Variants in SPATA13 observed in about 807,000 individuals in gnomAD.
The protein encoded by SPATA13 is spermatogenesis associated 13.
In SPATA13, 50 loss-of-function variants were observed where a neutral mutation model predicts 104.0. The ratio of observed to expected loss-of-function variants is 0.48; its 90% CI spans 0.38 to 0.61. SPATA13 has a LOEUF of 0.61. Among genes scored for constraint, SPATA13 ranks in the 20% least tolerant of loss-of-function variants. SPATA13 has a pLI of 0.00. For missense variants in SPATA13, 1,524 were observed against 1,690.6 expected (o/e 0.90, Z 1.73); for synonymous variants, 606 against 667.5 (o/e 0.91, Z 1.42).
At chr13:24,264,340 G>A (rs566688970) in intron 4 of SPATA13, among the ~76,000 whole-genome samples, 51 of 152,134 alleles carry the variant, frequency 3.4e-4, no homozygotes, top group Non-Finnish European at 5.3e-4. Context: ...AATGTCTAGC[G>A]AACCACCACC....
In SPATA13 at chr13:24,222,867, G is replaced by A; in HGVS notation, c.-63G>A. On this transcript the variant is annotated 5_prime_UTR_variant, in exon 2 of 13. Transcript: ENST00000382108. The stretch of plus-strand genomic sequence containing the variant: ...TGTGCAAGGCAGGTGTGAGTGCCAG[G>A]ACGGCATTCCTGGAGATGAAGGCCT... The A allele has an allele frequency of 6.5e-7, 1 of 1,543,408 alleles. No homozygotes were observed. The highest frequency in any genetic ancestry group is 2.5e-5 in the East Asian group (1 of 40,710).
intron 2 of SPATA13, among the ~76,000 whole-genome samples, chr13:24,225,571 C>A (rs1166998728): frequency 6.6e-6 from 1 of 152,216 alleles, no homozygotes; most frequent in East Asian, 1.9e-4. Context: ...TGTTTCACCC[C>A]ATTTGTGTTA....
chr13:24,301,579 C>G (rs962858684), intron 12 of SPATA13, among the ~76,000 whole-genome samples: 2 of 152,208 alleles, frequency 1.3e-5, no homozygotes, highest in African/African-American at 4.8e-5. Flanking sequence ...GGACTGCTGA[C>G]GTTCACAGGT....
intron 3 of SPATA13, among the ~76,000 whole-genome samples, chr13:24,100,129 T>G (rs144399271): frequency 9.0e-6 from 1 of 111,156 alleles, no homozygotes; most frequent in Admixed American, 9.3e-5. Context: ...TATTTTATAA[T>G]TTTTAAATAG....
chr13:24,153,044 C>T (rs1010243330), intron 3 of SPATA13, among the ~76,000 whole-genome samples: 3 of 152,246 alleles, frequency 2.0e-5, no homozygotes, highest in Non-Finnish European at 4.4e-5. Flanking sequence ...AGAAAAATGT[C>T]TATGTTACGT....
At chr13:24,186,162 G>A (rs1456609415) in intron 1 of SPATA13, among the ~76,000 whole-genome samples, 1 of 152,166 alleles carries the variant, frequency 6.6e-6, no homozygotes, top group Non-Finnish European at 1.5e-5. Flanking sequence ...CACATAAGAT[G>A]AACCATCACA....
chr13:24,030,802 C>T (rs755025647), intron 3 of SPATA13, among the ~76,000 whole-genome samples: 1 of 152,166 alleles, frequency 6.6e-6, no homozygotes, highest in Non-Finnish European at 1.5e-5. Flanking sequence ...TTTAGAATCT[C>T]CAGTCTACCA....
At chr13:24,119,210 A>G (rs1409034780) in intron 3 of SPATA13, among the ~76,000 whole-genome samples, 1 of 152,060 alleles carries the variant, frequency 6.6e-6, no homozygotes, top group African/African-American at 2.4e-5. Flanking sequence ...CCCGGCTGAC[A>G]CTAACTTATG....
At chr13:24,234,459 T>G (rs1415806269) in intron 2 of SPATA13, among the ~76,000 whole-genome samples, 1 of 152,178 alleles carries the variant, frequency 6.6e-6, no homozygotes, top group Non-Finnish European at 1.5e-5. Context: ...TCTATAACAA[T>G]TAAGATCAAA....
intron 2 of SPATA13, among the ~76,000 whole-genome samples, chr13:24,230,704 G>T (rs1339134303): frequency 6.6e-6 from 1 of 152,182 alleles, no homozygotes; most frequent in Admixed American, 6.5e-5. Context: ...TTCTAGCAAA[G>T]TGATGCATCT....
intron 1 of SPATA13, among the ~76,000 whole-genome samples, chr13:24,182,256 C>T (rs987023176): frequency 2.0e-5 from 3 of 152,152 alleles, no homozygotes; most frequent in African/African-American, 7.2e-5. Context: ...AGTGTTGTAA[C>T]ACTAAACTTT....
At chr13:24,166,799 G>A (rs981005764) in intron 1 of SPATA13, among the ~76,000 whole-genome samples, 1 of 152,220 alleles carries the variant, frequency 6.6e-6, no homozygotes, top group Non-Finnish European at 1.5e-5. Context: ...CATAGTATTT[G>A]CAGAGAATGG....
chr13:24,245,009 A>G lies in SPATA13; in HGVS notation c.1654-4468A>G, dbSNP rs562251756. 1.1e-4 allele frequency among the ~76,000 whole-genome samples: 17 copies of G among 152,306 alleles called. 1 individual carries two copies. The South Asian group carries it at 3.3e-3, about 30-fold the overall frequency. On this transcript the variant is annotated intron_variant, in intron 2 of 12. Coordinates refer to ENST00000382108, the MANE Select transcript of SPATA13 (RefSeq NM_001166271.3). ...GGCTGGATTGTTTGGACTAGGGCAG[A>G]GCTCTGGCATGGCCGTGGGAGAGGG...
At chr13:24,204,415 T>C (rs1870588159) in intron 1 of SPATA13, among the ~76,000 whole-genome samples, 1 of 152,210 alleles carries the variant, frequency 6.6e-6, no homozygotes, top group African/African-American at 2.4e-5. Flanking sequence ...CAGAGCTTTT[T>C]TTTTAAATTT....
In SPATA13 at chr13:24,224,059, G is replaced by A. The variant is rs1871779892; in HGVS notation, c.1130G>A (p.Gly377Glu). 1.3e-6 allele frequency: 2 copies of A among 1,549,022 alleles called. No individual in the cohort carries two copies. Among genetic ancestry groups the A allele is most frequent in the Non-Finnish European group, 1.7e-6 (2 of 1,145,542 alleles). ...RSTEQDSRRG[G>E]AVMHGTTATC... Reference sequence around the variant, plus strand: ...ACTGAGCAGGACAGCAGGCGGGGCGGGGCGGTCATGCATGGGACCACTGCA... The same window carrying A: ...ACTGAGCAGGACAGCAGGCGGGGCGAGGCGGTCATGCATGGGACCACTGCA... The change falls in exon 2 of 13, where the codon GGG (glycine) becomes GAG (glutamate). Residue 377 changes from glycine (G) to glutamate (E), a missense_variant. Physicochemically the swap from Gly to Glu is moderately conservative, Grantham distance 98. This residue lies in a region of SPATA13 where 1,089 missense variants were observed against 1,135.9 expected (regional missense o/e 0.96). Coordinates refer to ENST00000382108, the MANE Select transcript of SPATA13 (RefSeq NM_001166271.3).
chr13:24,049,031 C>G (rs1878245583), intron 3 of SPATA13, among the ~76,000 whole-genome samples: 1 of 152,228 alleles, frequency 6.6e-6, no homozygotes, highest in African/African-American at 2.4e-5. Context: ...GACACAGGGG[C>G]TACCAAATGG....
chr13:24,132,129 G>A (rs1011597597), intron 3 of SPATA13, among the ~76,000 whole-genome samples: 7 of 152,314 alleles, frequency 4.6e-5, no homozygotes, highest in Middle Eastern at 3.4e-3. Flanking sequence ...TTCTCCCTGG[G>A]CACAGAGCTG....
intron 2 of SPATA13, among the ~76,000 whole-genome samples, chr13:23,990,258 C>T (rs1185554204): frequency 6.6e-6 from 1 of 152,164 alleles, no homozygotes; most frequent in Non-Finnish European, 1.5e-5. Context: ...TTATGAAATG[C>T]AACTCTCTGG....
intron 2 of SPATA13, among the ~76,000 whole-genome samples, chr13:24,240,980 T>C (rs1247798483): frequency 7.0e-6 from 1 of 142,932 alleles, no homozygotes; most frequent in Non-Finnish European, 1.5e-5. Flanking sequence ...GTTATGATAG[T>C]TGCTTCTTTT....
Sources: gnomAD v4.1 joint callset for allele counts (sites outside exome capture counted in the v4.1 genomes callset) on GRCh38, gnomAD v4.1.1 for gene constraint, gnomAD v4.1.1 regional missense constraint, MANE v1.5 for transcripts, NCBI Gene and HGNC (gene_info 2026-07-23, HGNC 2026-07-21) for gene names.